NUDC: variants seen among roughly 807,000 people sequenced by gnomAD.
The protein encoded by NUDC is nuclear migration protein nudC.
Under a neutral mutation model 45.0 loss-of-function variants are expected in NUDC, and 14 were observed. The ratio of observed to expected loss-of-function variants is 0.31; its 90% CI spans 0.21 to 0.49. The LOEUF (loss-of-function observed/expected upper bound fraction) is 0.49, where lower values mean the gene tolerates loss of function less well. Among genes scored for constraint, NUDC ranks in the 20% least tolerant of loss-of-function variants. The pLI is 0.99. For synonymous variants in NUDC, 153 were observed against 156.7 expected, an observed-to-expected ratio of 0.98 and a Z score of 0.17; for missense variants, 323 against 426.2, an observed-to-expected ratio of 0.76 and a Z score of 2.13.
intron 1 of NUDC, chr1:26,922,192 C>G: frequency 1.8e-6 from 1 of 553,348 alleles, no homozygotes; most frequent in South Asian, 2.0e-5. Flanking sequence ...TTCACATATG[C>G]CCCCACCCCC....
Position 26,941,510 on chromosome 1 carries a change from G to A in NUDC, c.213G>A (p.Arg71=), listed in dbSNP as rs776386714. 1.2e-6 allele frequency: 2 copies of A among 1,614,082 alleles called. No individual in the cohort carries two copies. Among genetic ancestry groups the A allele is most frequent in the South Asian group, 1.1e-5 (1 of 91,052 alleles). ...ATCAGCTGGCACAGAAGACCCGGCG[G>A]GAGAAGAGAGCCCGGCAGGAGGCCG... ...HHNQLAQKTR[R]EKRARQEAER... is the part of the protein sequence containing the mutation. The change falls in exon 3 of 9, where the codon CGG becomes CGA. Residue 71 remains arginine (R), a synonymous_variant. Transcript: ENST00000321265.
At chr1:26,924,623 G>A (rs371828103) in intron 2 of NUDC, among the ~76,000 whole-genome samples, 6 of 152,242 alleles carry the variant, frequency 3.9e-5, no homozygotes, top group East Asian at 3.9e-4. Context: ...GCGCAATGTC[G>A]GCTCACTGCA....
chr1:26,913,519 G>T, intron 3 of NUDC: 1 of 1,613,402 alleles, frequency 6.2e-7, no homozygotes. Context: ...AGCCAGGGAG[G>T]GCTGGGGTCT....
chr1:26,946,448 AC>A lies in NUDC; in HGVS notation c.*268del. 1 of 501,202 alleles carries A rather than the reference AC, an allele frequency of 2.0e-6. No individual in the cohort carries two copies. Among genetic ancestry groups the A allele is most frequent in the South Asian group, 2.1e-5 (1 of 48,414 alleles). The allele number at this position is 501,202 out of a possible 1,614,324, so 31.0% of individuals were successfully genotyped here. A position where few individuals can be genotyped will look rare whatever the true frequency, so the allele number is the denominator to read the frequency against. On this transcript the variant is annotated 3_prime_UTR_variant, in exon 9 of 9. Coordinates refer to ENST00000321265, the MANE Select transcript of NUDC (RefSeq NM_006600.4). ...CCTTTCTCTGGGGCACAGGCCTCTTACGGCTGCTGCTGGGAACTGGGAGTTT... is the reference window on the plus strand; with the variant it reads ...CCTTTCTCTGGGGCACAGGCCTCTTAGGCTGCTGCTGGGAACTGGGAGTTT...
chr1:26,912,629 G>A (rs923224018), intron 3 of NUDC, among the ~76,000 whole-genome samples: 1 of 152,292 alleles, frequency 6.6e-6, no homozygotes, highest in Non-Finnish European at 1.5e-5. Context: ...AAACAGCACT[G>A]TCTCCATCTG....
chr1:26,916,591 A>G (rs1345709083), intron 3 of NUDC, among the ~76,000 whole-genome samples: 1 of 152,064 alleles, frequency 6.6e-6, no homozygotes, highest in Non-Finnish European at 1.5e-5. Context: ...CAATACTCCA[A>G]AGAGCTCTGA....
chr1:26,917,349 G>A (rs1418730229), upstream of NUDC, among the ~76,000 whole-genome samples: 2 of 151,974 alleles, frequency 1.3e-5, no homozygotes, highest in South Asian at 2.1e-4. Context: ...ATCACCTGAG[G>A]TCAGGAGTTC....
rs1481867340 is a variant in NUDC at position 26,946,208 on chromosome 1, T to A, written c.*27T>A. 6.2e-7 allele frequency: 1 copy of A among 1,602,940 alleles called. No individual in the cohort carries two copies. The highest frequency in any genetic ancestry group is 8.5e-7 in the Non-Finnish European group (1 of 1,171,442). The stretch of plus-strand genomic sequence containing the variant: ...CCCTGTTTTTTCCTCCCTGAACTCT[T>A]GGGGCTGAGCTGCAACCACCCAACT... On this transcript the variant is annotated 3_prime_UTR_variant, in exon 9 of 9. Transcript: ENST00000321265.
chr1:26,913,331 C>A, intron 3 of NUDC: 1 of 1,322,660 alleles, frequency 7.6e-7, no homozygotes. Flanking sequence ...TAACAGATAT[C>A]AAACCCTTAG....
intron 2 of NUDC, among the ~76,000 whole-genome samples, chr1:26,941,188 C>T (rs2082273503): frequency 1.3e-5 from 2 of 151,508 alleles, no homozygotes; most frequent in South Asian, 4.2e-4. Context: ...CTCAGCCTCC[C>T]AAAGTGCTGG....
At chr1:26,915,363 G>A (rs372661384) in intron 3 of NUDC, among the ~76,000 whole-genome samples, 6 of 152,148 alleles carry the variant, frequency 3.9e-5, no homozygotes, top group East Asian at 3.9e-4. Context: ...CTTTGCAGAC[G>A]TTGCCCACTT....
intron 3 of NUDC, chr1:26,911,964 G>A: frequency 6.2e-7 from 1 of 1,614,250 alleles, no homozygotes. Context: ...GAGGCCGTGA[G>A]GAGGACACGG....
At chr1:26,928,281 G>A (rs1326285086) in intron 2 of NUDC, among the ~76,000 whole-genome samples, 1 of 152,102 alleles carries the variant, frequency 6.6e-6, no homozygotes, top group Admixed American at 6.6e-5. Context: ...TTTGCCATCT[G>A]TCATACTCTA....
Position 26,924,151 on chromosome 1 carries a change from A to T in NUDC, c.144A>T (p.Glu48Asp), listed in dbSNP as rs768708540. The T allele has an allele frequency of 1.2e-6, 2 of 1,614,084 alleles. No individual in the cohort carries two copies. Among genetic ancestry groups the T allele is most frequent in the Non-Finnish European group, 8.5e-7 (1 of 1,179,962 alleles). The change falls in exon 2 of 9, where the codon GAA becomes GAT. Residue 48 changes from glutamate (E) to aspartate (D), a missense_variant. By Grantham distance (45) the Glu-to-Asp change is conservative. Transcript: ENST00000321265. ...CAGACTTTTTCATTGGAGGAGAAGA[A>T]GGGATGGCAGAGAAGGTAAGTGTTG... is the stretch of plus-strand genomic sequence containing the variant. ...RKTDFFIGGE[E>D]GMAEKLITQT...
Position 26,913,856 on chromosome 1 carries a change from G to A in NUDC, c.93+2621G>A, listed in dbSNP as rs750183535. 3 of 1,507,934 alleles carry A rather than the reference G, an allele frequency of 2.0e-6. No homozygotes were observed. Among genetic ancestry groups the A allele is most frequent in the Non-Finnish European group, 2.7e-6 (3 of 1,127,526 alleles). 93.4% of individuals were successfully genotyped at this position (1,507,934 alleles called of 1,614,324 possible). A position where few individuals can be genotyped will look rare whatever the true frequency, so the allele number is the denominator to read the frequency against. On this transcript the variant is annotated intron_variant, in intron 3 of 6. Transcript: ENST00000435827. Reference sequence around the variant, plus strand: ...CTACGGGGTCGGGGGACAGCCTTGAGGCTGGAGCTCAGAAGTGCGTAGAGA... The same window carrying A: ...CTACGGGGTCGGGGGACAGCCTTGAAGCTGGAGCTCAGAAGTGCGTAGAGA...
upstream of NUDC, among the ~76,000 whole-genome samples, chr1:26,918,110 T>C (rs1003792436): frequency 1.3e-5 from 2 of 152,038 alleles, no homozygotes; most frequent in African/African-American, 4.8e-5. Context: ...TTTTGCCCCT[T>C]GTGTATTTAT....
chr1:26,908,364 T>G (rs544129029), intron 2 of NUDC, among the ~76,000 whole-genome samples: 13 of 152,290 alleles, frequency 8.5e-5, no homozygotes, highest in Non-Finnish European at 1.8e-4. Context: ...GAAAGCACGA[T>G]TCCCCTTACC....
chr1:26,911,511 A>G, intron 3 of NUDC: 1 of 360,406 alleles, frequency 2.8e-6, no homozygotes, highest in Non-Finnish European at 5.4e-6. Context: ...TTTTATTACA[A>G]AAATCAATAA....
At chr1:26,928,348 T>G (rs1004482649) in intron 2 of NUDC, among the ~76,000 whole-genome samples, 24 of 152,094 alleles carry the variant, frequency 1.6e-4, no homozygotes, top group Middle Eastern at 6.3e-3. Context: ...TAGTCTTATG[T>G]GGGGGAGACT....
Sources: allele counts gnomAD v4.1 joint callset (sites outside exome capture counted in the v4.1 genomes callset), GRCh38; gene constraint gnomAD v4.1.1; transcripts MANE v1.5; gene names NCBI Gene and HGNC (gene_info 2026-07-23, HGNC 2026-07-21).